The following PSMC3IP variants were observed in gnomAD, a reference collection of about 807,000 sequenced individuals.
PSMC3IP encodes homologous-pairing protein 2 homolog.
A neutral mutation model predicts 34.9 loss-of-function variants in PSMC3IP; 26 were observed. The ratio of observed to expected loss-of-function variants is 0.74; its 90% confidence interval spans 0.55 to 1.03. PSMC3IP has a LOEUF of 1.03. Ranked by LOEUF, PSMC3IP falls within the 50% of genes least tolerant of loss-of-function variation. PSMC3IP has a pLI of 0.00. For missense variants in PSMC3IP, 250 were observed against 263.1 expected (o/e 0.95, Z 0.34); for synonymous variants, 87 against 96.5 (o/e 0.90, Z 0.57).
At chr17:42,576,878 T>C in intron 3 of PSMC3IP, 3 of 372,686 alleles carry the variant, frequency 8.0e-6, no homozygotes, top group Non-Finnish European at 1.5e-5. Flanking sequence ...AGAATATAAA[T>C]TTGATATGTG....
intron 4 of PSMC3IP, 185 bp downstream of exon 4, chr17:42,573,914 T>C: frequency 1.3e-6 from 2 of 1,532,610 alleles, no homozygotes; most frequent in Non-Finnish European, 1.7e-6. Flanking sequence ...ATGCGTATCT[T>C]GTCCATTTGT....
At chr17:42,573,928 T>A (rs1335855313) in intron 4 of PSMC3IP, 171 bp downstream of exon 4, 1 of 1,533,300 alleles carries the variant, frequency 6.5e-7, no homozygotes, top group Non-Finnish European at 8.7e-7. Flanking sequence ...CATTTGTTGG[T>A]ACACAAAAGC....
rs2093040934 is a variant in PSMC3IP, at chr17:42,572,626, A to G, written c.*342T>C. 6.7e-6 allele frequency: 3 copies of G among 447,798 alleles called. No homozygotes were observed. The highest frequency in any genetic ancestry group is 1.3e-5 in the Non-Finnish European group (3 of 223,800). 27.7% of individuals were successfully genotyped at this position (447,798 alleles called of 1,614,324 possible). A position where few individuals can be genotyped will look rare whatever the true frequency, so the allele number is the denominator to read the frequency against. ...TTCACTTCTGCCTTCCTCAGGTTTG[A>G]TATCTGGCAGGTTTGACTATCCAGA... On this transcript the variant is annotated 3_prime_UTR_variant, in exon 8 of 8. Coordinates refer to ENST00000393795, the MANE Select transcript of PSMC3IP (RefSeq NM_016556.4).
chr17:42,572,754 A>T lies in PSMC3IP; in HGVS notation c.*214T>A. The stretch of plus-strand genomic sequence containing the variant: ...TAAATGTTAACCTCAAGCTACTGCA[A>T]TTTAGACAATGAAATGGGCTGGGTC... On this transcript the variant is annotated 3_prime_UTR_variant, in exon 8 of 8. Transcript: ENST00000393795. The T allele has an allele frequency of 1.5e-6, 1 of 680,154 alleles. No homozygotes were observed. The highest frequency in any genetic ancestry group is 2.7e-6 in the Non-Finnish European group (1 of 372,936). 42.1% of individuals were successfully genotyped at this position (680,154 alleles called of 1,614,324 possible). A position where few individuals can be genotyped will look rare whatever the true frequency, so the allele number is the denominator to read the frequency against.
At chr17:42,573,845 A>C in intron 4 of PSMC3IP, 5 of 1,531,784 alleles carry the variant, frequency 3.3e-6, no homozygotes, top group Non-Finnish European at 4.4e-6. Flanking sequence ...CCAGTTAAAG[A>C]AGCAGGAATA....
Position 42,572,719 on chromosome 17 carries a change from G to C in PSMC3IP, c.*249C>G, listed in dbSNP as rs769408234. On this transcript the variant is annotated 3_prime_UTR_variant, in exon 8 of 8. Transcript: ENST00000393795. ...TTGCCAAATGCTTTCCTTTAGCATT[G>C]TTCCAAGTCTAAATGTTAACCTCAA... 1.6e-6 allele frequency: 1 copy of C among 610,580 alleles called. No homozygotes were observed. The highest frequency in any genetic ancestry group is 1.5e-5 in the South Asian group (1 of 65,894). The allele number at this position is 610,580 out of a possible 1,614,324, so 37.8% of individuals were successfully genotyped here. A position where few individuals can be genotyped will look rare whatever the true frequency, so the allele number is the denominator to read the frequency against.
chr17:42,573,300 C>T lies in PSMC3IP; in HGVS notation c.537+11G>A, dbSNP rs773919211. ...CCTCCAGGGCCTGTCTCGGAGCTCCCACACACTTACCATCCTCTTCCTCTT... is the reference window on the plus strand; with the variant it reads ...CCTCCAGGGCCTGTCTCGGAGCTCCTACACACTTACCATCCTCTTCCTCTT... On this transcript the variant is annotated intron_variant, in intron 6 of 7. Transcript: ENST00000393795. 3 of 1,614,018 alleles carry T rather than the reference C, an allele frequency of 1.9e-6. No homozygotes were observed. In the South Asian group the frequency reaches 3.3e-5, roughly 18 times the overall value.
chr17:42,577,123 G>T (rs2093080098), intron 3 of PSMC3IP, 90 bp downstream of exon 3: 2 of 1,594,376 alleles, frequency 1.3e-6, no homozygotes, highest in East Asian at 4.5e-5. Flanking sequence ...GTTTTCCATG[G>T]GGGGCCTTGT....
upstream of PSMC3IP, chr17:42,577,799 TCCGGAGGAGCAAAGCGACCCCTC>T (rs1343514975): frequency 3.0e-6 from 4 of 1,327,496 alleles, no homozygotes; most frequent in Non-Finnish European, 4.3e-6. Context: ...GGGGAAGCCT[TCCGGAGGAGCAAAGCGACCCCTC>T]CCGGACTCCA....
chr17:42,573,965 T>A (rs918308613), intron 4 of PSMC3IP, 134 bp downstream of exon 4: 1 of 1,540,734 alleles, frequency 6.5e-7, no homozygotes, highest in Admixed American at 2.0e-5. Flanking sequence ...TTTCTTTTTA[T>A]GCCTAAGGGA....
At chr17:42,575,289 G>C (rs914394850) in intron 3 of PSMC3IP, among the ~76,000 whole-genome samples, 1 of 152,184 alleles carries the variant, frequency 6.6e-6, no homozygotes, top group Non-Finnish European at 1.5e-5. Context: ...GCCAAATCCT[G>C]CCAGATGCAT....
At position 42,577,683 on chromosome 17, in the gene PSMC3IP, T is replaced by C. The variant is rs1420503808; in HGVS notation, c.4A>G (p.Ser2Gly). The C allele has an allele frequency of 6.2e-7, 1 of 1,614,086 alleles. No individual in the cohort carries two copies. Among genetic ancestry groups the C allele is most frequent in the East Asian group, 2.2e-5 (1 of 44,886 alleles). Residue 2 changes from serine (S) to glycine (G), a missense_variant, in exon 1 of 8, where the codon AGT becomes GGT. Physicochemically the swap from Ser to Gly is moderately conservative, Grantham distance 56. Transcript: ENST00000393795. M[S>G]KGRAEAAAGA... ...GCCGCAGCTTCTGCCCGGCCTTTAC[T>C]CATCGCCTTTCCCGCCACCCAACTC...
At position 42,574,093 on chromosome 17, in the gene PSMC3IP, T is replaced by A; in HGVS notation, c.337+6A>T. 1 of 1,614,140 alleles carries A rather than the reference T, an allele frequency of 6.2e-7. No homozygotes were observed. Among genetic ancestry groups the A allele is most frequent in the African/African-American group, 1.3e-5 (1 of 75,046 alleles). On this transcript the variant is annotated splice_donor_region_variant and intron_variant, in intron 4 of 7. Coordinates refer to ENST00000393795, the MANE Select transcript of PSMC3IP (RefSeq NM_016556.4). ...TGGGCACTTTGGAGGGGCTACCCAG[T>A]CCTACCAGCCTCCATGTAGCGGCAG...
intron 3 of PSMC3IP, chr17:42,574,482 C>A: frequency 1.0e-6 from 1 of 955,984 alleles, no homozygotes; most frequent in Non-Finnish European, 1.4e-6. Context: ...GAAATCTTCC[C>A]ATTTAGTGAT....
intron 3 of PSMC3IP, among the ~76,000 whole-genome samples, chr17:42,575,853 C>CAAAAA (rs971478774): frequency 1.0e-5 from 1 of 100,482 alleles, no homozygotes; most frequent in Non-Finnish European, 2.1e-5. Flanking sequence ...CTAAAAATAC[C>CAAAAA]AAAAAAAAAA....
At chr17:42,574,597 C>T (rs892803112) in intron 3 of PSMC3IP, among the ~76,000 whole-genome samples, 2 of 152,138 alleles carry the variant, frequency 1.3e-5, no homozygotes, top group Non-Finnish European at 2.9e-5. Context: ...GGTGAAGAAG[C>T]ATGATGGATG....
chr17:42,577,146 C>G, intron 3 of PSMC3IP, 67 bp downstream of exon 3: 1 of 1,610,324 alleles, frequency 6.2e-7, no homozygotes, highest in Non-Finnish European at 8.5e-7. Flanking sequence ...CCAAAGAGTT[C>G]ACACCAGGAG....
At chr17:42,577,739 G>T (rs1043139165), upstream of PSMC3IP, 2 of 1,608,046 alleles carry the variant, frequency 1.2e-6, no homozygotes, top group African/African-American at 2.7e-5. Context: ...TGCTCGGGGC[G>T]ACGGCTCCTT....
At chr17:42,573,982 C>T in intron 4 of PSMC3IP, 117 bp downstream of exon 4, 1 of 1,548,748 alleles carries the variant, frequency 6.5e-7, no homozygotes, top group South Asian at 1.2e-5. Flanking sequence ...GGGAGCCCAG[C>T]AAAGGGGTCT....
Sources: gnomAD v4.1 joint callset for allele counts (sites outside exome capture counted in the v4.1 genomes callset) on GRCh38, gnomAD v4.1.1 for gene constraint, MANE v1.5 for transcripts, NCBI Gene and HGNC (gene_info 2026-07-23, HGNC 2026-07-21) for gene names.